BIN1: variants seen among roughly 807,000 people sequenced by gnomAD.
BIN1 encodes bridging integrator 1.
Under a neutral mutation model 82.0 loss-of-function variants are expected in BIN1, and 53 were observed. That is an observed-to-expected ratio of 0.65 (90% CI 0.52 to 0.81). The LOEUF is 0.81. Among genes scored for constraint, BIN1 ranks in the 40% least tolerant of loss-of-function variants. The pLI, the probability that BIN1 is intolerant of heterozygous loss-of-function variation, is 0.00. For synonymous variants in BIN1, 302 were observed against 328.0 expected, an observed-to-expected ratio of 0.92 and a Z score of 0.86; for missense variants, 642 against 784.4, an observed-to-expected ratio of 0.82 and a Z score of 2.17.
intron 1 of BIN1, among the ~76,000 whole-genome samples, chr2:127,092,552 G>A (rs1200156874): frequency 1.3e-5 from 2 of 152,204 alleles, no homozygotes; most frequent in African/African-American, 4.8e-5. Context: ...GCAGTCCCTA[G>A]CACCACCAGG....
chr2:127,077,149 G>GA (rs2105148120), intron 1 of BIN1, among the ~76,000 whole-genome samples: 1 of 152,348 alleles, frequency 6.6e-6, no homozygotes, highest in Admixed American at 6.5e-5. Context: ...CCAGGCCCAT[G>GA]AATGCCACAG....
intron 9 of BIN1, among the ~76,000 whole-genome samples, chr2:127,062,825 G>A (rs938810453): frequency 4.6e-5 from 7 of 152,018 alleles, no homozygotes; most frequent in Non-Finnish European, 8.8e-5. Flanking sequence ...TCCAATCTTC[G>A]AAGGGAAAAA....
chr2:127,106,796 G>A, intron 1 of BIN1, 64 bp downstream of exon 1: 1 of 1,536,956 alleles, frequency 6.5e-7, no homozygotes, highest in Non-Finnish European at 8.8e-7. Flanking sequence ...AGGATAGGGG[G>A]ACAGGTGGCC....
At chr2:127,070,158 C>T (rs763549773) in intron 4 of BIN1, 68 bp from the exon 5 acceptor site, 7 of 1,325,896 alleles carry the variant, frequency 5.3e-6, no homozygotes, top group South Asian at 2.4e-5. Flanking sequence ...GCGCTCACCT[C>T]GCAGGGACCA....
At chr2:127,095,136 A>G (rs965197044) in intron 1 of BIN1, among the ~76,000 whole-genome samples, 1 of 152,236 alleles carries the variant, frequency 6.6e-6, no homozygotes, top group African/African-American at 2.4e-5. Flanking sequence ...GTCCTGTCCC[A>G]GGTTCAGCAA....
chr2:127,106,430 C>A (rs1267762188), intron 1 of BIN1, among the ~76,000 whole-genome samples: 1 of 152,234 alleles, frequency 6.6e-6, no homozygotes, highest in African/African-American at 2.4e-5. Context: ...GAGGGACATA[C>A]TCCCTCTCGC....
At position 127,067,032 on chromosome 2, in the gene BIN1, C is replaced by T. The variant is rs1309023556; in HGVS notation, c.612+1131G>A. The stretch of plus-strand genomic sequence containing the variant: ...GCTGCAGTGAGTCATGATCACACCA[C>T]TGCACTCCAGCCAGGGGAACGGAGA... On this transcript the variant is annotated intron_variant, in intron 7 of 18. Coordinates refer to ENST00000316724, the MANE Select transcript of BIN1 (RefSeq NM_139343.3). This position sits in a 1 kb window ranked among gnomAD's most constrained non-coding sequence, Gnocchi z 4.7. Among the ~76,000 whole-genome samples the T allele has an allele frequency of 6.7e-6, 1 of 149,956 alleles. No individual in the cohort carries two copies.
At chr2:127,099,296 C>A (rs1431237790) in intron 1 of BIN1, among the ~76,000 whole-genome samples, 1 of 152,002 alleles carries the variant, frequency 6.6e-6, no homozygotes, top group Non-Finnish European at 1.5e-5. Context: ...GGTCAGGAAG[C>A]AAAGCAAAGT....
At chr2:127,079,516 C>A (rs772962293) in intron 1 of BIN1, among the ~76,000 whole-genome samples, 8 of 152,346 alleles carry the variant, frequency 5.3e-5, no homozygotes, top group Middle Eastern at 3.4e-3. Flanking sequence ...CAGACGCGCA[C>A]ACTCTACCTG....
intron 1 of BIN1, among the ~76,000 whole-genome samples, chr2:127,084,436 C>T (rs1302754573): frequency 6.6e-6 from 1 of 152,256 alleles, no homozygotes; most frequent in East Asian, 1.9e-4. Flanking sequence ...CGTCCTCATT[C>T]ATCTCCAGGC....
At chr2:127,085,602 A>AT (rs1322998602) in intron 1 of BIN1, among the ~76,000 whole-genome samples, 9 of 152,100 alleles carry the variant, frequency 5.9e-5, no homozygotes, top group Admixed American at 2.6e-4. Context: ...GGGAGAGCCC[A>AT]TAATGAGGAA....
At chr2:127,060,466 C>T in intron 10 of BIN1, 1 of 1,403,818 alleles carries the variant, frequency 7.1e-7, no homozygotes, top group Non-Finnish European at 1.0e-6. Flanking sequence ...CACGACAGCC[C>T]TGCCGGGCAG....
chr2:127,068,405 A>G lies in BIN1; in HGVS notation c.520-150T>C. 2.0e-6 allele frequency: 1 copy of G among 502,646 alleles called. No individual in the cohort carries two copies. The highest frequency in any genetic ancestry group is 4.2e-5 in the East Asian group (1 of 24,068). The allele number at this position is 502,646 out of a possible 1,614,324, so 31.1% of individuals were successfully genotyped here. A position where few individuals can be genotyped will look rare whatever the true frequency, so the allele number is the denominator to read the frequency against. ...ATGGGCCCTTGAGGCCGAGAGAATT[A>G]GGGGGAGCCCGGGGGGTAAGGAAAG... On this transcript the variant is annotated intron_variant, in intron 6 of 18. Coordinates refer to ENST00000316724, the MANE Select transcript of BIN1 (RefSeq NM_139343.3). The surrounding 1 kb of genome is among the most constrained non-coding windows in gnomAD (Gnocchi z 4.9).
chr2:127,050,598 G>T, intron 17 of BIN1, 76 bp from the exon 18 acceptor site: 1 of 1,521,238 alleles, frequency 6.6e-7, no homozygotes, highest in Non-Finnish European at 9.1e-7. Flanking sequence ...CCTTGCGTGT[G>T]GGAGGTGCAG....
intron 1 of BIN1, among the ~76,000 whole-genome samples, chr2:127,098,085 C>T (rs1016113798): frequency 1.3e-5 from 2 of 152,236 alleles, no homozygotes; most frequent in African/African-American, 2.4e-5. Flanking sequence ...GGGCAGGTCA[C>T]AGATGACAGA....
intron 1 of BIN1, among the ~76,000 whole-genome samples, chr2:127,098,801 G>C (rs1296493583): frequency 6.6e-6 from 1 of 152,224 alleles, no homozygotes; most frequent in Non-Finnish European, 1.5e-5. Context: ...TCTCTTATAG[G>C]ACAGGCCCCT....
chr2:127,071,035 A>G (rs1685825886), intron 2 of BIN1, among the ~76,000 whole-genome samples: 1 of 152,154 alleles, frequency 6.6e-6, no homozygotes, highest in South Asian at 2.1e-4. Context: ...GGCACCTGCC[A>G]TCTTCCAGAT....
At chr2:127,094,401 C>A (rs1219265470) in intron 1 of BIN1, among the ~76,000 whole-genome samples, 1 of 152,312 alleles carries the variant, frequency 6.6e-6, no homozygotes, top group South Asian at 2.1e-4. Flanking sequence ...GTCTAGCCTC[C>A]CCCTTCAGGA....
At chr2:127,070,925 G>A in intron 2 of BIN1, 109 bp from the exon 3 acceptor site, 1 of 1,121,738 alleles carries the variant, frequency 8.9e-7, no homozygotes, top group African/African-American at 1.6e-5. Flanking sequence ...TCTCCTGACA[G>A]CAGCCACTGA....
Sources: allele counts gnomAD v4.1 joint callset (sites outside exome capture counted in the v4.1 genomes callset), GRCh38; gene constraint gnomAD v4.1.1; non-coding constraint Gnocchi (gnomAD v3.1); transcripts MANE v1.5; gene names NCBI Gene and HGNC (gene_info 2026-07-23, HGNC 2026-07-21).